Variants in NLGN4X observed in about 807,000 individuals in gnomAD.
NLGN4X encodes neuroligin 4 X-linked.
NLGN4X carries 3 observed loss-of-function variants against 40.3 expected under a neutral mutation model. The ratio of observed to expected loss-of-function variants is 0.07; its 90% CI spans 0.03 to 0.19. NLGN4X has a LOEUF of 0.19. Ranked by LOEUF, NLGN4X falls within the 10% of genes least tolerant of loss-of-function variation. The pLI is 1.00. For missense variants in NLGN4X, 382 were observed against 708.3 expected (o/e 0.54, Z 5.23); for synonymous variants, 270 against 306.8 (o/e 0.88, Z 1.25).
intron 2 of NLGN4X, among the ~76,000 whole-genome samples, chrX:6,111,156 A>G (rs149259598): frequency 1.5e-3 from 165 of 112,163 alleles, no homozygotes; most frequent in African/African-American, 5.1e-3. Context: ...AAGGGCTTAC[A>G]TAGATTCACT....
chrX:6,015,806 G>A (rs2036380851), intron 3 of NLGN4X, among the ~76,000 whole-genome samples: 2 of 111,970 alleles, frequency 1.8e-5, no homozygotes, highest in Middle Eastern at 4.6e-3. Context: ...GGACTGTCAC[G>A]ATAACCATGG....
intron 1 of NLGN4X, among the ~76,000 whole-genome samples, chrX:6,195,839 A>G (rs771475158): frequency 2.4e-4 from 27 of 110,715 alleles, no homozygotes; most frequent in African/African-American, 8.9e-4. Flanking sequence ...CCCAGGCTGG[A>G]ATTCAATGGC....
chrX:6,223,846 T>A lies in NLGN4X; in HGVS notation c.-306+4695A>T, dbSNP rs189339898. Among the ~76,000 whole-genome samples, 33 of 112,904 alleles carry A rather than the reference T, an allele frequency of 2.9e-4. No individual in the cohort carries two copies. The East Asian group carries it at 8.4e-3, about 29-fold the overall frequency. ...GTGGCTATTCAAATCTGTCTGAATA[T>A]CCATTCACATAATTAAATAGGAGAC... On this transcript the variant is annotated intron_variant, in intron 1 of 5. Coordinates refer to ENST00000381095, the MANE Select transcript of NLGN4X (RefSeq NM_181332.3).
chrX:6,159,682 C>G (rs373458878), intron 1 of NLGN4X, among the ~76,000 whole-genome samples: 1 of 111,639 alleles, frequency 9.0e-6, no homozygotes, highest in African/African-American at 3.3e-5. Flanking sequence ...CAAGTGCCCT[C>G]GCCATCAACT....
chrX:6,113,211 G>A (rs768795898), intron 2 of NLGN4X, among the ~76,000 whole-genome samples: 4 of 110,832 alleles, frequency 3.6e-5, no homozygotes, highest in Non-Finnish European at 7.6e-5. Flanking sequence ...AGAATGGGTG[G>A]GCTTTAGTAA....
At chrX:6,148,455 A>G (rs767902874) in intron 2 of NLGN4X, among the ~76,000 whole-genome samples, 8 of 111,942 alleles carry the variant, frequency 7.1e-5, no homozygotes, top group Non-Finnish European at 1.5e-4. Flanking sequence ...GTGGATGCGG[A>G]GTTCATTCAT....
At chrX:6,154,901 C>T (rs913921285) in intron 1 of NLGN4X, among the ~76,000 whole-genome samples, 2 of 111,726 alleles carry the variant, frequency 1.8e-5, no homozygotes, top group Admixed American at 9.6e-5. Flanking sequence ...ACTCTTCAGG[C>T]CTATCAGAAT....
At chrX:6,012,215 T>A (rs1181591004) in intron 3 of NLGN4X, among the ~76,000 whole-genome samples, 1 of 112,606 alleles carries the variant, frequency 8.9e-6, no homozygotes, top group African/African-American at 3.2e-5. Context: ...AAGTGTGAAA[T>A]ATAGCTTTGC....
At chrX:6,127,895 A>C (rs111472919) in intron 2 of NLGN4X, among the ~76,000 whole-genome samples, 13,640 of 111,703 alleles carry the variant, frequency 0.12, 646 homozygotes, top group Admixed American at 0.16. Flanking sequence ...GTTTTGTTTC[A>C]ATCAAAACCA....
At chrX:5,909,647 G>GT (rs971714110) in intron 3 of NLGN4X, among the ~76,000 whole-genome samples, 1 of 100,513 alleles carries the variant, frequency 9.9e-6, no homozygotes, top group African/African-American at 3.8e-5. Context: ...GTACGTGTGT[G>GT]GGGGGGGGAG....
chrX:6,152,320 T>C (rs2040183087), intron 1 of NLGN4X, among the ~76,000 whole-genome samples: 1 of 112,191 alleles, frequency 8.9e-6, no homozygotes, highest in Non-Finnish European at 1.9e-5. Flanking sequence ...CAAATCTGTG[T>C]TGAATGATCA....
chrX:6,066,872 C>T (rs1233446708), intron 2 of NLGN4X, among the ~76,000 whole-genome samples: 3 of 112,189 alleles, frequency 2.7e-5, no homozygotes, highest in Non-Finnish European at 3.8e-5. Context: ...CTTTGGGAGG[C>T]CAAGGCAGGA....
chrX:5,931,104 T>C (rs1458926372), intron 3 of NLGN4X, among the ~76,000 whole-genome samples: 1 of 112,244 alleles, frequency 8.9e-6, no homozygotes, highest in Non-Finnish European at 1.9e-5. Context: ...AATGGATCTA[T>C]ATAGTGATGG....
At chrX:5,991,792 T>C (rs2035692511) in intron 3 of NLGN4X, among the ~76,000 whole-genome samples, 1 of 112,347 alleles carries the variant, frequency 8.9e-6, no homozygotes, top group South Asian at 3.7e-4. Flanking sequence ...ATATCCAATC[T>C]GAAGACAGAC....
chrX:5,942,124 C>T (rs1268631294), intron 3 of NLGN4X, among the ~76,000 whole-genome samples: 1 of 109,994 alleles, frequency 9.1e-6, no homozygotes, highest in Non-Finnish European at 1.9e-5. Flanking sequence ...TGCGAGGTGA[C>T]ATGCACCTGT....
In NLGN4X at chrX:5,891,383, A is replaced by G; in HGVS notation, c.*1434T>C. ...CAAAAAGTGATGTTTTCAGACAATC[A>G]TATGTTTGATCCCATAAATGATATA... is the stretch of plus-strand genomic sequence containing the variant. On this transcript the variant is annotated 3_prime_UTR_variant, in exon 6 of 6. Coordinates refer to ENST00000381095, the MANE Select transcript of NLGN4X (RefSeq NM_181332.3). The G allele has an allele frequency of 4.5e-6, 1 of 220,593 alleles. No individual in the cohort carries two copies. The highest frequency in any genetic ancestry group is 5.7e-5 in the South Asian group (1 of 17,572). The allele number at this position is 220,593 out of a possible 1,213,427, so 18.2% of individuals were successfully genotyped here. A position where few individuals can be genotyped will look rare whatever the true frequency, so the allele number is the denominator to read the frequency against.
intron 2 of NLGN4X, among the ~76,000 whole-genome samples, chrX:6,144,715 G>A (rs1193142517): frequency 9.0e-6 from 1 of 111,715 alleles, no homozygotes; most frequent in Non-Finnish European, 1.9e-5. Context: ...TGCATCCACA[G>A]TGGAGGGTCT....
At chrX:6,086,695 G>T (rs757136258) in intron 2 of NLGN4X, among the ~76,000 whole-genome samples, 2 of 111,711 alleles carry the variant, frequency 1.8e-5, no homozygotes, top group Non-Finnish European at 3.8e-5. Context: ...GTAGTGGTGT[G>T]ATCATAGCTC....
At chrX:6,000,179 T>A (rs925324705) in intron 3 of NLGN4X, among the ~76,000 whole-genome samples, 1 of 112,401 alleles carries the variant, frequency 8.9e-6, no homozygotes, top group Non-Finnish European at 1.9e-5. Context: ...CCTCCCAGTA[T>A]GTGAGTTACA....
Sources: allele counts gnomAD v4.1 joint callset (sites outside exome capture counted in the v4.1 genomes callset), GRCh38; gene constraint gnomAD v4.1.1; transcripts MANE v1.5; gene names NCBI Gene and HGNC (gene_info 2026-07-23, HGNC 2026-07-21).